CATSPERE: variants seen among roughly 807,000 people sequenced by gnomAD.
CATSPERE encodes cation channel sperm-associated auxiliary subunit epsilon.
A neutral mutation model predicts 114.1 loss-of-function variants in CATSPERE; 93 were observed. The observed-to-expected ratio is 0.81, with a 90% confidence interval of 0.69 to 0.97. The LOEUF is 0.97. Among genes scored for constraint, CATSPERE ranks in the 50% least tolerant of loss-of-function variants. The probability of loss-of-function intolerance (pLI) is 0.00; values close to 1 mark genes in which losing one functional copy is unlikely to be tolerated. For synonymous variants in CATSPERE, 341 were observed against 384.1 expected (o/e 0.89, Z 1.31); for missense variants, 1,058 against 1,131.6 (o/e 0.93, Z 0.93).
At chr1:244,532,636 G>T (rs3005952) in intron 8 of CATSPERE, among the ~76,000 whole-genome samples, 9 of 152,006 alleles carry the variant, frequency 5.9e-5, no homozygotes, top group African/African-American at 1.9e-4. Context: ...ATTCAGGAGC[G>T]TATTGTTTAA....
chr1:244,599,977 T>C (rs1045106784), intron 17 of CATSPERE, among the ~76,000 whole-genome samples: 2 of 152,038 alleles, frequency 1.3e-5, no homozygotes, highest in African/African-American at 4.8e-5. Context: ...GGAAGATAGA[T>C]GAGTATGTTT....
At chr1:244,555,917 TAG>T (rs1661505743) in intron 9 of CATSPERE, among the ~76,000 whole-genome samples, 1 of 152,040 alleles carries the variant, frequency 6.6e-6, no homozygotes, top group South Asian at 2.1e-4. Flanking sequence ...TAAGGCTGAG[TAG>T]AATAGTTCAC....
intron 8 of CATSPERE, among the ~76,000 whole-genome samples, chr1:244,530,890 T>C (rs1679469608): frequency 6.6e-6 from 1 of 152,222 alleles, no homozygotes; most frequent in South Asian, 2.1e-4. Context: ...AATTTATATA[T>C]CAGTTCTAAT....
intron 8 of CATSPERE, among the ~76,000 whole-genome samples, chr1:244,539,892 C>G (rs898630675): frequency 6.7e-6 from 1 of 149,720 alleles, no homozygotes; most frequent in Non-Finnish European, 1.5e-5. Context: ...TGCTAGTGGT[C>G]TATCAATTTT....
chr1:244,535,467 C>G (rs1164458964), intron 8 of CATSPERE, among the ~76,000 whole-genome samples: 2 of 152,198 alleles, frequency 1.3e-5, no homozygotes, highest in African/African-American at 2.4e-5. Flanking sequence ...GGCACTCAAA[C>G]CACAAGACAT....
Position 244,516,926 on chromosome 1 carries a change from A to T in CATSPERE, c.430-1666A>T, listed in dbSNP as rs192071469. ...AACCATGGAAAAGACTGTGTCTCTG[A>T]TGATGTTCCTAGCAATAATATTTAC... is the stretch of plus-strand genomic sequence containing the variant. On this transcript the variant is annotated intron_variant, in intron 7 of 21. Coordinates refer to ENST00000366534, the MANE Select transcript of CATSPERE (RefSeq NM_001130957.2). Among the ~76,000 whole-genome samples the T allele has an allele frequency of 2.1e-3, 318 of 152,242 alleles. 1 individual carries two copies. The highest frequency in any genetic ancestry group is 3.6e-3 in the Admixed American group (55 of 15,298).
Position 244,568,041 on chromosome 1 carries a change from T to G in CATSPERE, c.1508-4289T>G, listed in dbSNP as rs1352769568. On this transcript the variant is annotated intron_variant, in intron 10 of 21. Coordinates refer to ENST00000366534, the MANE Select transcript of CATSPERE (RefSeq NM_001130957.2). This position sits in a 1 kb window ranked among gnomAD's most constrained non-coding sequence, Gnocchi z 4.4. ...GGGGTTTTTGTGTGGATGTCCTTTT[T>G]GTTGATGTTGATGCTATTCCTTTCT... Among the ~76,000 whole-genome samples the G allele has an allele frequency of 2.0e-5, 3 of 152,204 alleles. No homozygotes were observed. Among genetic ancestry groups the G allele is most frequent in the Non-Finnish European group, 4.4e-5 (3 of 68,036 alleles).
chr1:244,565,246 A>T (rs1324378416), intron 10 of CATSPERE, among the ~76,000 whole-genome samples: 1 of 152,134 alleles, frequency 6.6e-6, no homozygotes, highest in Non-Finnish European at 1.5e-5. Context: ...TTGGTGTCAG[A>T]ATGATGCTGG....
At chr1:244,624,484 C>G (rs1672830472) in intron 20 of CATSPERE, among the ~76,000 whole-genome samples, 1 of 152,084 alleles carries the variant, frequency 6.6e-6, no homozygotes, top group African/African-American at 2.4e-5. Flanking sequence ...TTGACAGCAA[C>G]TTCACTAGGA....
At chr1:244,535,565 T>C (rs1165672470) in intron 8 of CATSPERE, among the ~76,000 whole-genome samples, 2 of 152,180 alleles carry the variant, frequency 1.3e-5, no homozygotes, top group African/African-American at 4.8e-5. Flanking sequence ...GTGAGTGCTG[T>C]CAGGCTACCA....
chr1:244,570,070 C>T (rs1664209239), intron 10 of CATSPERE, among the ~76,000 whole-genome samples: 2 of 152,124 alleles, frequency 1.3e-5, no homozygotes, highest in Non-Finnish European at 2.9e-5. Context: ...TAGATGTTTG[C>T]AATATTTATC....
chr1:244,490,384 G>A (rs929832320), intron 5 of CATSPERE, 63 bp from the exon 6 acceptor site: 4 of 1,081,640 alleles, frequency 3.7e-6, no homozygotes, highest in Non-Finnish European at 4.2e-6. Context: ...CTTGAAAGTA[G>A]AATATTCGAC....
Position 244,461,291 on chromosome 1 carries a change from TC to T in CATSPERE, c.-138del. The T allele has an allele frequency of 1.5e-6, 1 of 658,482 alleles. No individual in the cohort carries two copies. Among genetic ancestry groups the T allele is most frequent in the South Asian group, 7.5e-5 (1 of 13,308 alleles). 40.8% of individuals were successfully genotyped at this position (658,482 alleles called of 1,614,324 possible). ...CACGCGCACACTTCTCCCTCGCTGGTCTTCAGGCCCGGCCCGCCCTGTCCAG... is the reference window on the plus strand; with the variant it reads ...CACGCGCACACTTCTCCCTCGCTGGTTTCAGGCCCGGCCCGCCCTGTCCAG... On this transcript the variant is annotated 5_prime_UTR_variant, in exon 1 of 22. Coordinates refer to ENST00000366534, the MANE Select transcript of CATSPERE (RefSeq NM_001130957.2).
intron 6 of CATSPERE, among the ~76,000 whole-genome samples, chr1:244,494,045 G>A (rs1337036850): frequency 1.3e-5 from 2 of 152,176 alleles, no homozygotes; most frequent in African/African-American, 4.8e-5. Flanking sequence ...TCAGTGTGGC[G>A]ATTCCTCAGG....
intron 10 of CATSPERE, among the ~76,000 whole-genome samples, chr1:244,571,621 C>T (rs1664478866): frequency 6.6e-6 from 1 of 152,168 alleles, no homozygotes; most frequent in Non-Finnish European, 1.5e-5. Flanking sequence ...TTCATTCCAG[C>T]TATATTAGCC....
At chr1:244,488,465 C>G (rs554852723) in intron 5 of CATSPERE, among the ~76,000 whole-genome samples, 1 of 152,276 alleles carries the variant, frequency 6.6e-6, no homozygotes, top group African/African-American at 2.4e-5. Context: ...CAACTCTACA[C>G]TTCAGCCTGT....
chr1:244,578,539 T>A (rs957862815), intron 11 of CATSPERE, among the ~76,000 whole-genome samples: 4 of 151,996 alleles, frequency 2.6e-5, no homozygotes, highest in African/African-American at 4.8e-5. Context: ...TTAACACATA[T>A]TTTATATGTA....
intron 2 of CATSPERE, among the ~76,000 whole-genome samples, chr1:244,464,384 T>C (rs1002384314): frequency 1.3e-5 from 2 of 152,232 alleles, no homozygotes; most frequent in Non-Finnish European, 2.9e-5. Context: ...TTTCTTCTTA[T>C]CTGCCTAATT....
intron 18 of CATSPERE, among the ~76,000 whole-genome samples, chr1:244,608,586 C>T (rs1354235334): frequency 4.6e-5 from 7 of 151,952 alleles, no homozygotes; most frequent in Admixed American, 3.9e-4. Context: ...ACCCTCTGAC[C>T]TCAACCCCCA....
Sources: allele counts gnomAD v4.1 joint callset (sites outside exome capture counted in the v4.1 genomes callset), GRCh38; gene constraint gnomAD v4.1.1; non-coding constraint Gnocchi (gnomAD v3.1); transcripts MANE v1.5; gene names NCBI Gene and HGNC (gene_info 2026-07-23, HGNC 2026-07-21).